Variants in VCAN observed in about 807,000 individuals in gnomAD.
VCAN encodes the protein versican core protein.
VCAN carries 44 observed loss-of-function variants against 245.5 expected under a neutral mutation model. That is an observed-to-expected ratio of 0.18 (90% CI 0.14 to 0.23). VCAN has a LOEUF of 0.23. VCAN is among the 10% of genes least tolerant of loss of function. VCAN has a pLI of 1.00. For missense variants in VCAN, 3,793 were observed against 4,057.9 expected (o/e 0.93, Z 1.77); for synonymous variants, 1,413 against 1,437.0 (o/e 0.98, Z 0.38).
At chr5:83,493,085 A>T (rs1385961439) in intron 3 of VCAN, among the ~76,000 whole-genome samples, 1 of 152,236 alleles carries the variant, frequency 6.6e-6, no homozygotes, top group Non-Finnish European at 1.5e-5. Context: ...AAGTGGTGTT[A>T]GTGAATATTT....
At chr5:83,559,799 T>G (rs1561269799) in intron 12 of VCAN, among the ~76,000 whole-genome samples, 2 of 152,112 alleles carry the variant, frequency 1.3e-5, no homozygotes, top group Admixed American at 6.6e-5. Context: ...GAACAGGTAT[T>G]TAATAAATAT....
chr5:83,478,805 C>G (rs995256846), intron 1 of VCAN, among the ~76,000 whole-genome samples: 1 of 151,990 alleles, frequency 6.6e-6, no homozygotes, highest in African/African-American at 2.4e-5. Flanking sequence ...CAGGAGTGAA[C>G]AAAACATCAA....
At chr5:83,485,816 T>C (rs982970698) in intron 2 of VCAN, among the ~76,000 whole-genome samples, 16 of 152,136 alleles carry the variant, frequency 1.1e-4, no homozygotes, top group African/African-American at 3.9e-4. Flanking sequence ...AAGCTCCTCC[T>C]TGGGTGGGTG....
intron 10 of VCAN, among the ~76,000 whole-genome samples, chr5:83,550,887 CAAA>C (rs57081110): frequency 4.0e-5 from 2 of 50,088 alleles, no homozygotes; most frequent in Admixed American, 3.5e-4. Context: ...GACTCCATCT[CAAA>C]AAAAAAAAAA....
rs1746055666 is a variant in VCAN at position 83,520,745 on chromosome 5, G to A, written c.2439G>A (p.Lys813=). Residue 813 remains lysine, a synonymous_variant, in exon 7 of 15, where the codon AAG becomes AAA. Coordinates refer to ENST00000265077, the MANE Select transcript of VCAN (RefSeq NM_004385.5). ...WSWDEDNTTS[K]PLESTEPSAS... is the part of the protein sequence containing the mutation. ...GGGATGAAGATAATACAACATCCAAGCCTTTAGAGTCTACAGAACCTTCAG... is the reference window on the plus strand; with the variant it reads ...GGGATGAAGATAATACAACATCCAAACCTTTAGAGTCTACAGAACCTTCAG... 7 of 1,613,998 alleles carry A rather than the reference G, an allele frequency of 4.3e-6. No homozygotes were observed. The highest frequency in any genetic ancestry group is 5.9e-6 in the Non-Finnish European group (7 of 1,180,006).
intron 5 of VCAN, among the ~76,000 whole-genome samples, chr5:83,502,512 CTCTT>C (rs1033667080): frequency 6.6e-5 from 10 of 152,142 alleles, no homozygotes; most frequent in Non-Finnish European, 8.8e-5. Flanking sequence ...TTTTTAGAAC[CTCTT>C]TCTCACTCTA....
rs1389047375 is a variant in VCAN at position 83,476,632 on chromosome 5, T to A, written c.-7+4609T>A. On this transcript the variant is annotated intron_variant, in intron 1 of 14. Transcript: ENST00000265077. ...AATTAGTGAATTTTTGCCAGTTTCC[T>A]CTTGTAGCCTAGACTTGGTAAATTA... is the stretch of plus-strand genomic sequence containing the variant. 6.6e-5 allele frequency among the ~76,000 whole-genome samples: 10 copies of A among 152,050 alleles called. No individual in the cohort carries two copies. In the South Asian group the frequency reaches 2.1e-3, roughly 32 times the overall value.
chr5:83,483,365 A>G, intron 1 of VCAN, 148 bp from the exon 2 acceptor site: 2 of 651,064 alleles, frequency 3.1e-6, no homozygotes, highest in Non-Finnish European at 2.7e-6. Flanking sequence ...TCCTGTTTTT[A>G]TAGTCCAAGA....
chr5:83,485,404 CA>C (rs35054904), intron 2 of VCAN, among the ~76,000 whole-genome samples: 48,882 of 104,242 alleles, frequency 0.47, 7,864 homozygotes, highest in Middle Eastern at 0.55. Context: ...AACTCCATGT[CA>C]AAAAAAAAAA....
chr5:83,493,925 C>T lies in VCAN; in HGVS notation c.742C>T (p.Leu248=), dbSNP rs1158246382. The stretch of plus-strand genomic sequence containing the variant: ...CGATGTGTATTGTTATGTGGATCAT[C>T]TGGATGGTAAGATGTTTGAGTTTCT... ...TYDVYCYVDH[L]DGDVFHLTVP... The change falls in exon 5 of 15, where the codon CTG becomes TTG. Residue 248 remains leucine (L), a synonymous_variant. Coordinates refer to ENST00000265077, the MANE Select transcript of VCAN (RefSeq NM_004385.5). 6.2e-7 allele frequency: 1 copy of T among 1,614,052 alleles called. No individual in the cohort carries two copies. Among genetic ancestry groups the T allele is most frequent in the South Asian group, 1.1e-5 (1 of 91,042 alleles).
intron 13 of VCAN, among the ~76,000 whole-genome samples, chr5:83,574,050 T>TC (rs1404301249): frequency 5.9e-5 from 9 of 152,120 alleles, no homozygotes; most frequent in African/African-American, 2.2e-4. Flanking sequence ...GGGCCTCTGG[T>TC]GTGTAAGTCC....
At position 83,537,613 on chromosome 5, in the gene VCAN, C is replaced by T. The variant is rs750018598; in HGVS notation, c.4610C>T (p.Thr1537Ile). ...TEVGHQAHEH[T>I]EPVSLFPEES... Reference sequence around the variant, plus strand: ...GTTGGTCATCAGGCACATGAACATACTGAACCTGTATCTCTGTTTCCTGAA... The same window carrying T: ...GTTGGTCATCAGGCACATGAACATATTGAACCTGTATCTCTGTTTCCTGAA... Residue 1537 changes from threonine (T) to isoleucine (I), a missense_variant, in exon 8 of 15, where the codon ACT becomes ATT. Physicochemically the swap from Thr to Ile is moderately conservative, Grantham distance 89. Coordinates refer to ENST00000265077, the MANE Select transcript of VCAN (RefSeq NM_004385.5). 2 of 1,613,808 alleles carry T rather than the reference C, an allele frequency of 1.2e-6. No individual in the cohort carries two copies. The highest frequency in any genetic ancestry group is 8.5e-7 in the Non-Finnish European group (1 of 1,179,908).
At chr5:83,482,224 C>T (rs1184068558) in intron 1 of VCAN, among the ~76,000 whole-genome samples, 1 of 152,186 alleles carries the variant, frequency 6.6e-6, no homozygotes, top group Admixed American at 6.5e-5. Flanking sequence ...TACAACAGTT[C>T]CAGCAGAAAG....
At chr5:83,504,464 C>T (rs1414898156) in intron 5 of VCAN, among the ~76,000 whole-genome samples, 1 of 150,950 alleles carries the variant, frequency 6.6e-6, no homozygotes, top group Admixed American at 6.6e-5. Flanking sequence ...CTCACTGCAA[C>T]CTCTGCCTCC....
chr5:83,501,964 A>T (rs768173844), intron 5 of VCAN, among the ~76,000 whole-genome samples: 1 of 152,082 alleles, frequency 6.6e-6, no homozygotes, highest in Non-Finnish European at 1.5e-5. Context: ...CTTTCATTTT[A>T]TTCAACAATA....
intron 2 of VCAN, among the ~76,000 whole-genome samples, chr5:83,487,103 T>C (rs1053199997): frequency 3.9e-5 from 6 of 152,218 alleles, no homozygotes; most frequent in African/African-American, 1.2e-4. Flanking sequence ...TTATCTACCA[T>C]TGGCCTAGTT....
chr5:83,542,658 C>T (rs942927520), intron 8 of VCAN, among the ~76,000 whole-genome samples: 1 of 152,074 alleles, frequency 6.6e-6, no homozygotes, highest in Non-Finnish European at 1.5e-5. Context: ...AAAAACCCTC[C>T]CATTGATGGA....
At chr5:83,545,416 A>G (rs1217272725) in intron 8 of VCAN, 121 bp from the exon 9 acceptor site, 1 of 806,488 alleles carries the variant, frequency 1.2e-6, no homozygotes, top group Non-Finnish European at 2.2e-6. Flanking sequence ...TATATGTAGT[A>G]ACTCTAAATT....
intron 12 of VCAN, among the ~76,000 whole-genome samples, chr5:83,565,381 A>C (rs868697235): frequency 8.5e-5 from 12 of 141,836 alleles, no homozygotes; most frequent in Admixed American, 6.7e-4. Context: ...GAAGTATTGT[A>C]TGTGTAAGGG....
Sources: allele counts gnomAD v4.1 joint callset (sites outside exome capture counted in the v4.1 genomes callset), GRCh38; gene constraint gnomAD v4.1.1; transcripts MANE v1.5; gene names NCBI Gene and HGNC (gene_info 2026-07-23, HGNC 2026-07-21).